The following ACOXL variants were observed in gnomAD, a reference collection of about 807,000 sequenced individuals.
ACOXL encodes acyl-coenzyme A oxidase-like protein.
ACOXL carries 70 observed loss-of-function variants against 71.9 expected under a neutral mutation model. The ratio of observed to expected loss-of-function variants is 0.97; its 90% confidence interval spans 0.80 to 1.19. The LOEUF (loss-of-function observed/expected upper bound fraction) is 1.19, where lower values mean the gene tolerates loss of function less well. Ranked by LOEUF, ACOXL falls within the 50% of genes most tolerant of loss-of-function variation. The pLI, the probability that ACOXL is intolerant of heterozygous loss-of-function variation, is 0.00. For missense variants in ACOXL, 703 were observed against 736.3 expected, an observed-to-expected ratio of 0.95 and a Z score of 0.52; for synonymous variants, 253 against 281.6, an observed-to-expected ratio of 0.90 and a Z score of 1.02.
At chr2:110,838,237 T>G (rs1291228388) in intron 9 of ACOXL, among the ~76,000 whole-genome samples, 2 of 152,208 alleles carry the variant, frequency 1.3e-5, no homozygotes, top group African/African-American at 4.8e-5. Flanking sequence ...TGTGTGCGTG[T>G]GCATGTCTGA....
intron 17 of ACOXL, among the ~76,000 whole-genome samples, chr2:111,116,311 A>T (rs1271331278): frequency 6.6e-6 from 1 of 152,238 alleles, no homozygotes; most frequent in African/African-American, 2.4e-5. Context: ...GATGATGCTT[A>T]ACCACAGTGT....
intron 9 of ACOXL, among the ~76,000 whole-genome samples, chr2:110,827,935 T>C (rs1440493247): frequency 6.6e-6 from 1 of 152,242 alleles, no homozygotes; most frequent in Admixed American, 6.5e-5. Context: ...CAACAAAATA[T>C]TGAGTTAAAA....
chr2:110,986,942 C>T (rs755005551), intron 12 of ACOXL, among the ~76,000 whole-genome samples, 166 bp from the exon 13 acceptor site: 1 of 152,110 alleles, frequency 6.6e-6, no homozygotes, highest in Non-Finnish European at 1.5e-5. Context: ...ATAAATGCCC[C>T]ACATTTGCCT....
intron 10 of ACOXL, among the ~76,000 whole-genome samples, chr2:110,859,191 A>G (rs1330152797): frequency 6.6e-6 from 1 of 152,234 alleles, no homozygotes; most frequent in Non-Finnish European, 1.5e-5. Flanking sequence ...AATCCAAAAC[A>G]AAGAGAAAGA....
chr2:111,100,386 T>G (rs149026479), intron 17 of ACOXL: 2 of 152,654 alleles, frequency 1.3e-5, no homozygotes, highest in African/African-American at 4.8e-5. Context: ...CCACTCCACC[T>G]CCCAGGGAAC....
At chr2:110,968,777 G>C in intron 12 of ACOXL, 8 of 140,158 alleles carry the variant, frequency 5.7e-5, no homozygotes, top group East Asian at 1.1e-4. Flanking sequence ...CTTATGGACA[G>C]CAAAAAAAAA....
At chr2:111,092,661 T>C (rs567202562) in intron 16 of ACOXL, among the ~76,000 whole-genome samples, 1 of 152,342 alleles carries the variant, frequency 6.6e-6, no homozygotes, top group East Asian at 1.9e-4. Context: ...CTTTTGTATA[T>C]GCTTTAAATT....
intron 15 of ACOXL, among the ~76,000 whole-genome samples, chr2:111,043,261 G>A (rs1441580391): frequency 1.3e-5 from 2 of 152,332 alleles, no homozygotes; most frequent in East Asian, 3.9e-4. Context: ...ACATCTCAAC[G>A]TGCAGGAGAC....
At chr2:110,865,038 G>A (rs934003661) in intron 10 of ACOXL, among the ~76,000 whole-genome samples, 1 of 145,908 alleles carries the variant, frequency 6.9e-6, no homozygotes, top group Non-Finnish European at 1.5e-5. Context: ...AGTTTCTTAT[G>A]TATTTCTGTG....
intron 12 of ACOXL, among the ~76,000 whole-genome samples, chr2:110,950,835 G>A (rs530223897): frequency 6.6e-6 from 1 of 151,732 alleles, no homozygotes; most frequent in African/African-American, 2.4e-5. Flanking sequence ...GAGAGAGAGA[G>A]GGAAGTTCTG....
intron 2 of ACOXL, among the ~76,000 whole-genome samples, chr2:110,779,989 A>G (rs1015701874): frequency 6.6e-6 from 1 of 152,252 alleles, no homozygotes; most frequent in African/African-American, 2.4e-5. Flanking sequence ...GCTGTTCATT[A>G]AAAGACATCA....
At chr2:110,792,952 G>T (rs1172575815) in intron 3 of ACOXL, among the ~76,000 whole-genome samples, 4 of 152,174 alleles carry the variant, frequency 2.6e-5, no homozygotes, top group African/African-American at 9.7e-5. Context: ...TAGGATGTGG[G>T]TGAGACACTT....
intron 1 of ACOXL, among the ~76,000 whole-genome samples, chr2:110,742,511 C>T (rs899348068): frequency 1.3e-5 from 2 of 152,170 alleles, no homozygotes; most frequent in African/African-American, 4.8e-5. Context: ...GTCCCTGACA[C>T]CTTGGATCCT....
chr2:110,854,444 C>T (rs1422372926), intron 10 of ACOXL, among the ~76,000 whole-genome samples: 1 of 149,572 alleles, frequency 6.7e-6, no homozygotes, highest in Non-Finnish European at 1.5e-5. Flanking sequence ...CAAAGTGTGT[C>T]ACCAACACCA....
intron 10 of ACOXL, among the ~76,000 whole-genome samples, chr2:110,881,756 G>T (rs977686267): frequency 6.6e-6 from 1 of 152,058 alleles, no homozygotes; most frequent in African/African-American, 2.4e-5. Flanking sequence ...CAGTCTGATT[G>T]ATTCTTCTTT....
intron 17 of ACOXL, among the ~76,000 whole-genome samples, chr2:111,114,504 A>G (rs2070205592): frequency 6.6e-6 from 1 of 152,112 alleles, no homozygotes; most frequent in Admixed American, 6.5e-5. Flanking sequence ...GGGACATTTC[A>G]AGTTTGGGTA....
intron 9 of ACOXL, among the ~76,000 whole-genome samples, chr2:110,818,423 A>ATATC (rs1357904918): frequency 7.3e-6 from 1 of 137,694 alleles, no homozygotes; most frequent in Non-Finnish European, 1.5e-5. Context: ...ATATATATAT[A>ATATC]TGTGTGTGTG....
intron 16 of ACOXL, among the ~76,000 whole-genome samples, chr2:111,066,071 G>C (rs1488525237): frequency 6.6e-6 from 1 of 152,174 alleles, no homozygotes; most frequent in Non-Finnish European, 1.5e-5. Flanking sequence ...ACAAAAACTT[G>C]CATATTAATG....
intron 14 of ACOXL, among the ~76,000 whole-genome samples, chr2:111,028,454 C>T (rs2065116109): frequency 6.6e-6 from 1 of 151,894 alleles, no homozygotes; most frequent in Non-Finnish European, 1.5e-5. Context: ...CTGTGCCTGG[C>T]CTACTTATTC....
Sources: gnomAD v4.1 joint callset for allele counts (sites outside exome capture counted in the v4.1 genomes callset) on GRCh38, gnomAD v4.1.1 for gene constraint, MANE v1.5 for transcripts, NCBI Gene and HGNC (gene_info 2026-07-23, HGNC 2026-07-21) for gene names.